DGKG: variants seen among roughly 807,000 people sequenced by gnomAD.
DGKG encodes diacylglycerol kinase gamma.
Under a neutral mutation model 105.3 loss-of-function variants are expected in DGKG, and 78 were observed. The ratio of observed to expected loss-of-function variants is 0.74; its 90% CI spans 0.62 to 0.89. The LOEUF is 0.89. DGKG is among the 40% of genes least tolerant of loss of function. The pLI, the probability that DGKG is intolerant of heterozygous loss-of-function variation, is 0.00. For missense variants in DGKG, 958 were observed against 1,020.1 expected, an observed-to-expected ratio of 0.94 and a Z score of 0.83; for synonymous variants, 346 against 367.1, an observed-to-expected ratio of 0.94 and a Z score of 0.66.
At chr3:186,360,255 C>T (rs1028688615) in intron 1 of DGKG, among the ~76,000 whole-genome samples, 1 of 152,094 alleles carries the variant, frequency 6.6e-6, no homozygotes, top group Non-Finnish European at 1.5e-5. Flanking sequence ...GTCGTTTTCT[C>T]CCCATGTCTC....
At position 186,231,764 on chromosome 3, in the gene DGKG, C is replaced by CA. The variant is rs1391972466; in HGVS notation, c.1826+10739dup. Among the ~76,000 whole-genome samples the CA allele has an allele frequency of 1.3e-5, 2 of 151,700 alleles. No homozygotes were observed. Among genetic ancestry groups the CA allele is most frequent in the Non-Finnish European group, 2.9e-5 (2 of 67,926 alleles). On this transcript the variant is annotated intron_variant, in intron 20 of 24. Transcript: ENST00000265022. The surrounding 1 kb of genome is among the most constrained non-coding windows in gnomAD (Gnocchi z 4.5). ...TGAAACCCGCTCTCTACTAAAAATA[C>CA]AAAAAAATTAGCTGGGCATGGTGGC...
chr3:186,185,049 C>T (rs1281458401), intron 22 of DGKG, among the ~76,000 whole-genome samples: 1 of 152,074 alleles, frequency 6.6e-6, no homozygotes. Context: ...TTTACAGATA[C>T]AGAAAACTGA....
At chr3:186,340,762 C>T (rs937896702) in intron 1 of DGKG, among the ~76,000 whole-genome samples, 2 of 152,218 alleles carry the variant, frequency 1.3e-5, no homozygotes, top group Non-Finnish European at 2.9e-5. Context: ...GGGCTTGATA[C>T]ATTGGCTTTA....
At chr3:186,326,723 T>A (rs1300419744) in intron 1 of DGKG, among the ~76,000 whole-genome samples, 2 of 152,204 alleles carry the variant, frequency 1.3e-5, no homozygotes, top group Admixed American at 1.3e-4. Flanking sequence ...CAACGGCAAA[T>A]CCTCAAAATG....
Position 186,149,263 on chromosome 3 carries a change from A to C in DGKG, c.*827T>G. On this transcript the variant is annotated 3_prime_UTR_variant, in exon 25 of 25. Transcript: ENST00000265022. The stretch of plus-strand genomic sequence containing the variant: ...TTTTTTTTTCCTTCCCTTTTTACAC[A>C]ATATTATGACACCAATTTGAAAAAT... 1.0e-6 allele frequency: 1 copy of C among 984,956 alleles called. No individual in the cohort carries two copies. 61.0% of individuals were successfully genotyped at this position (984,956 alleles called of 1,614,324 possible). A position where few individuals can be genotyped will look rare whatever the true frequency, so the allele number is the denominator to read the frequency against.
intron 1 of DGKG, among the ~76,000 whole-genome samples, chr3:186,344,239 G>A (rs1215450761): frequency 6.6e-6 from 1 of 152,190 alleles, no homozygotes; most frequent in Non-Finnish European, 1.5e-5. Flanking sequence ...TACTGGGTAT[G>A]TACCCAGAGG....
At chr3:186,171,869 C>T (rs904685513) in intron 22 of DGKG, among the ~76,000 whole-genome samples, 1 of 151,278 alleles carries the variant, frequency 6.6e-6, no homozygotes, top group African/African-American at 2.4e-5. Flanking sequence ...TTTTTTTTCC[C>T]CCGATATTTG....
intron 3 of DGKG, among the ~76,000 whole-genome samples, chr3:186,304,499 A>G (rs571921692): frequency 2.6e-4 from 39 of 152,314 alleles, no homozygotes; most frequent in African/African-American, 9.1e-4. Context: ...GTTTTGTTCA[A>G]TGGATGACAA....
intron 23 of DGKG, among the ~76,000 whole-genome samples, chr3:186,162,699 C>G (rs1245323420): frequency 8.7e-6 from 1 of 114,976 alleles, no homozygotes; most frequent in Non-Finnish European, 2.0e-5. Context: ...GCCACCATGT[C>G]CAGCTAATTT....
chr3:186,188,240 C>T lies in DGKG; in HGVS notation c.2057G>A (p.Gly686Asp), dbSNP rs1231895998. ...NRAVIRESRK[G>D]VTDPKELKFC... ...TTTCAGTTCTTTGGGGTCAGTGACA[C>T]CCTTCCTGCTTTCCCGGATCACAGC... The change falls in exon 22 of 25, where the codon GGT becomes GAT. Residue 686 changes from glycine (G) to aspartate (D), a missense_variant. Coordinates refer to ENST00000265022, the MANE Select transcript of DGKG (RefSeq NM_001346.3). 1 of 1,614,046 alleles carries T rather than the reference C, an allele frequency of 6.2e-7. No individual in the cohort carries two copies. The highest frequency in any genetic ancestry group is 8.5e-7 in the Non-Finnish European group (1 of 1,180,042).
chr3:186,276,769 G>A (rs1271022566), intron 9 of DGKG, among the ~76,000 whole-genome samples: 1 of 152,192 alleles, frequency 6.6e-6, no homozygotes, highest in Non-Finnish European at 1.5e-5. Context: ...TCCATTACAA[G>A]AGTAACACTC....
At chr3:186,339,142 A>G (rs943733808) in intron 1 of DGKG, among the ~76,000 whole-genome samples, 1 of 152,194 alleles carries the variant, frequency 6.6e-6, no homozygotes, top group Admixed American at 6.5e-5. Flanking sequence ...TAAAATAATG[A>G]TGTTCAATGG....
intron 21 of DGKG, among the ~76,000 whole-genome samples, chr3:186,209,320 T>A (rs1273668321): frequency 6.6e-6 from 1 of 152,018 alleles, no homozygotes; most frequent in Non-Finnish European, 1.5e-5. Flanking sequence ...CAAGCTGGTC[T>A]CGAACTCCTG....
chr3:186,282,705 G>A (rs1379331052), intron 7 of DGKG, among the ~76,000 whole-genome samples: 12 of 151,914 alleles, frequency 7.9e-5, no homozygotes, highest in African/African-American at 2.4e-4. Flanking sequence ...TAGTAGAGAC[G>A]GGGTTTTGCC....
intron 9 of DGKG, among the ~76,000 whole-genome samples, chr3:186,278,927 G>A (rs1268310312): frequency 6.6e-6 from 1 of 152,162 alleles, no homozygotes; most frequent in African/African-American, 2.4e-5. Flanking sequence ...ACTAGTTTTA[G>A]TCTTCCCTAC....
intron 20 of DGKG, among the ~76,000 whole-genome samples, chr3:186,237,089 C>T (rs1720455095): frequency 6.6e-6 from 1 of 152,252 alleles, no homozygotes; most frequent in Non-Finnish European, 1.5e-5. Flanking sequence ...TTCTTGGCTC[C>T]TCTGCTAGTA....
At chr3:186,347,353 C>T (rs1229236114) in intron 1 of DGKG, among the ~76,000 whole-genome samples, 2 of 144,624 alleles carry the variant, frequency 1.4e-5, no homozygotes, top group Non-Finnish European at 3.0e-5. Flanking sequence ...GAGGCTGAGG[C>T]AGGAGAATTG....
intron 20 of DGKG, among the ~76,000 whole-genome samples, chr3:186,236,792 A>G (rs1188750303): frequency 1.3e-5 from 2 of 152,232 alleles, no homozygotes; most frequent in Non-Finnish European, 2.9e-5. Context: ...GGTCCCTCTG[A>G]AGGGCCTAAC....
At position 186,150,129 on chromosome 3, in the gene DGKG, G is replaced by A. The variant is rs1715685123; in HGVS notation, c.2337C>T (p.Ser779=). Residue 779 remains serine (S), a synonymous_variant, in exon 25 of 25, where the codon AGC becomes AGT. Transcript: ENST00000265022. Reference sequence around the variant, plus strand: ...GGCTCTTCCTTCTCAACGAGAAGAAGCTGCTCTTCTGGGGAGGCCCCATCA... The same window carrying A: ...GGCTCTTCCTTCTCAACGAGAAGAAACTGCTCTTCTGGGGAGGCCCCATCA... ...PMMMGPPQKS[S]FFSLRRKSRS... The A allele has an allele frequency of 6.2e-7, 1 of 1,613,740 alleles. No homozygotes were observed. The highest frequency in any genetic ancestry group is 1.3e-5 in the African/African-American group (1 of 75,044).
Sources: gnomAD v4.1 joint callset for allele counts (sites outside exome capture counted in the v4.1 genomes callset) on GRCh38, gnomAD v4.1.1 for gene constraint, Gnocchi (gnomAD v3.1) non-coding constraint, MANE v1.5 for transcripts, NCBI Gene and HGNC (gene_info 2026-07-23, HGNC 2026-07-21) for gene names.